The following AGBL4 variants were observed in gnomAD, a reference collection of about 807,000 sequenced individuals.
The protein encoded by AGBL4 is AGBL carboxypeptidase 4, also known as cytosolic carboxypeptidase 6.
Under a neutral mutation model 66.4 loss-of-function variants are expected in AGBL4, and 58 were observed. That is an observed-to-expected ratio of 0.87 (90% CI 0.71 to 1.09). The LOEUF is 1.09. Ranked by LOEUF, AGBL4 falls within the 50% of genes least tolerant of loss-of-function variation. The probability of loss-of-function intolerance (pLI) is 0.00; values close to 1 mark genes in which losing one functional copy is unlikely to be tolerated. For synonymous variants in AGBL4, 234 were observed against 222.9 expected (o/e 1.05, Z -0.44); for missense variants, 579 against 631.0 (o/e 0.92, Z 0.88).
rs561746572 is a variant in AGBL4 at position 49,866,942 on chromosome 1, T to C, written c.35-15424A>G. ...CTGTGTGGTGAATCTCCTGAGGCCT[T>C]GTAAGCCTGAGGACATTTTAATCTC... On this transcript the variant is annotated intron_variant, in intron 1 of 13. Transcript: ENST00000371839. 3.3e-5 allele frequency among the ~76,000 whole-genome samples: 5 copies of C among 152,270 alleles called. No individual in the cohort carries two copies. The South Asian group carries it at 1.0e-3, about 32-fold the overall frequency.
chr1:48,880,676 GT>G (rs1649692279), intron 5 of AGBL4, among the ~76,000 whole-genome samples: 1 of 152,058 alleles, frequency 6.6e-6, no homozygotes, highest in African/African-American at 2.4e-5. Context: ...GAGTAAGGTG[GT>G]ATCACATTGT....
chr1:49,781,300 G>A (rs543386733), intron 2 of AGBL4, among the ~76,000 whole-genome samples: 24 of 152,074 alleles, frequency 1.6e-4, no homozygotes, highest in Middle Eastern at 3.4e-3. Context: ...AGGCTGAGGC[G>A]GAAGGATTGC....
chr1:49,167,354 A>G (rs1646653746), intron 4 of AGBL4, among the ~76,000 whole-genome samples: 1 of 152,100 alleles, frequency 6.6e-6, no homozygotes, highest in African/African-American at 2.4e-5. Flanking sequence ...CCTAGTTATC[A>G]TTATTTCTAC....
chr1:48,797,252 A>G (rs1332175666), intron 6 of AGBL4, among the ~76,000 whole-genome samples: 2 of 152,130 alleles, frequency 1.3e-5, no homozygotes, highest in Non-Finnish European at 1.5e-5. Flanking sequence ...GTTTTTGGGG[A>G]ACAGGTGGTT....
At chr1:49,395,310 A>C (rs943298890) in intron 3 of AGBL4, among the ~76,000 whole-genome samples, 11 of 152,156 alleles carry the variant, frequency 7.2e-5, no homozygotes, top group Non-Finnish European at 1.5e-4. Flanking sequence ...ACAAGTATCA[A>C]CTTGAAGAAA....
intron 3 of AGBL4, among the ~76,000 whole-genome samples, chr1:49,251,511 C>A (rs1308259662): frequency 6.6e-6 from 1 of 152,134 alleles, no homozygotes; most frequent in Non-Finnish European, 1.5e-5. Context: ...GCTTGAGGGG[C>A]ACAGAGAAGG....
At position 49,605,750 on chromosome 1, in the gene AGBL4, C is replaced by T. The variant is rs542493738; in HGVS notation, c.282+91563G>A. Among the ~76,000 whole-genome samples, 7 of 152,008 alleles carry T rather than the reference C, an allele frequency of 4.6e-5. No individual in the cohort carries two copies. The South Asian group carries it at 1.2e-3, about 27-fold the overall frequency. On this transcript the variant is annotated intron_variant, in intron 3 of 13. Coordinates refer to ENST00000371839, the MANE Select transcript of AGBL4 (RefSeq NM_032785.4). ...AACATCATGGCCTCTTTTCATTTCTCTTATATGACCAAGGGCCACTGAAAA... is the reference window on the plus strand; with the variant it reads ...AACATCATGGCCTCTTTTCATTTCTTTTATATGACCAAGGGCCACTGAAAA...
At chr1:49,583,805 C>T (rs780735220) in intron 3 of AGBL4, among the ~76,000 whole-genome samples, 4 of 152,310 alleles carry the variant, frequency 2.6e-5, no homozygotes, top group African/African-American at 9.6e-5. Flanking sequence ...CTGTCAGCAA[C>T]CACCTATCAT....
intron 5 of AGBL4, among the ~76,000 whole-genome samples, chr1:49,014,944 G>A (rs920014196): frequency 2.0e-5 from 3 of 152,200 alleles, no homozygotes; most frequent in Non-Finnish European, 2.9e-5. Flanking sequence ...GGGGTATTGA[G>A]ATAACACTGC....
Position 48,895,729 on chromosome 1 carries a change from G to A in AGBL4, c.595-28499C>T, listed in dbSNP as rs554923489. On this transcript the variant is annotated intron_variant, in intron 5 of 13. Coordinates refer to ENST00000371839, the MANE Select transcript of AGBL4 (RefSeq NM_032785.4). ...CCACTGGAGACCCTGAAAGAGACTC[G>A]AGCATATCAGGAAGGTAGACTGGTA... is the stretch of plus-strand genomic sequence containing the variant. Among the ~76,000 whole-genome samples, 87 of 152,212 alleles carry A rather than the reference G, an allele frequency of 5.7e-4. 2 individuals are homozygous for A. The South Asian group carries it at 0.016, about 28-fold the overall frequency.
At chr1:49,744,658 T>C (rs1650846554) in intron 2 of AGBL4, among the ~76,000 whole-genome samples, 1 of 152,074 alleles carries the variant, frequency 6.6e-6, no homozygotes, top group Admixed American at 6.6e-5. Context: ...GAAAAAAGTA[T>C]AAACCTATTT....
At chr1:48,671,583 T>G (rs919516204) in intron 6 of AGBL4, among the ~76,000 whole-genome samples, 9 of 152,216 alleles carry the variant, frequency 5.9e-5, no homozygotes, top group African/African-American at 2.2e-4. Context: ...ATCAAACTCA[T>G]AAGGATCTTG....
At chr1:49,353,863 G>A (rs951768862) in intron 3 of AGBL4, among the ~76,000 whole-genome samples, 3 of 151,926 alleles carry the variant, frequency 2.0e-5, no homozygotes, top group African/African-American at 7.3e-5. Context: ...GAACTCCAGG[G>A]AAAGATCATC....
chr1:48,979,010 T>C (rs1168806188), intron 5 of AGBL4, among the ~76,000 whole-genome samples: 2 of 152,176 alleles, frequency 1.3e-5, no homozygotes, highest in African/African-American at 4.8e-5. Context: ...GAGACCTTTG[T>C]GTAAGGTCTA....
intron 1 of AGBL4, among the ~76,000 whole-genome samples, chr1:49,860,444 AC>A (rs769428023): frequency 6.6e-6 from 1 of 152,224 alleles, no homozygotes; most frequent in Non-Finnish European, 1.5e-5. Flanking sequence ...ACGCCTGTAG[AC>A]CCACCACTTT....
intron 3 of AGBL4, among the ~76,000 whole-genome samples, chr1:49,370,775 A>C (rs1470469880): frequency 6.6e-6 from 1 of 152,228 alleles, no homozygotes; most frequent in African/African-American, 2.4e-5. Context: ...TACAACACTG[A>C]GATCTGATCT....
At chr1:49,335,326 C>T (rs1225268725) in intron 3 of AGBL4, among the ~76,000 whole-genome samples, 1 of 152,096 alleles carries the variant, frequency 6.6e-6, no homozygotes, top group Non-Finnish European at 1.5e-5. Flanking sequence ...TCACTCTTAT[C>T]CAAGCTACCA....
chr1:49,843,069 A>G (rs1646041365), intron 2 of AGBL4, among the ~76,000 whole-genome samples: 1 of 152,174 alleles, frequency 6.6e-6, no homozygotes, highest in African/African-American at 2.4e-5. Flanking sequence ...AGGTGGGAAG[A>G]GTGGCCTGTC....
At chr1:48,743,208 T>G (rs1023281114) in intron 6 of AGBL4, among the ~76,000 whole-genome samples, 11 of 152,158 alleles carry the variant, frequency 7.2e-5, no homozygotes, top group African/African-American at 2.4e-4. Flanking sequence ...TAGGAAAGTG[T>G]GGGCAAAAAT....
Sources: allele counts gnomAD v4.1 joint callset (sites outside exome capture counted in the v4.1 genomes callset), GRCh38; gene constraint gnomAD v4.1.1; transcripts MANE v1.5; gene names NCBI Gene and HGNC (gene_info 2026-07-23, HGNC 2026-07-21).